The following EGFR variants were observed in gnomAD, a reference collection of about 807,000 sequenced individuals.
EGFR encodes epidermal growth factor receptor, also known as avian erythroblastic leukemia viral (v-erb-b) oncogene homolog.
EGFR carries 58 observed loss-of-function variants against 143.0 expected under a neutral mutation model. That is an observed-to-expected ratio of 0.41 (90% CI 0.33 to 0.50). EGFR has a LOEUF of 0.50. Ranked by LOEUF, EGFR falls within the 20% of genes least tolerant of loss-of-function variation. The pLI, the probability that EGFR is intolerant of heterozygous loss-of-function variation, is 0.39. For missense variants in EGFR, 1,307 were observed against 1,579.0 expected (o/e 0.83, Z 2.92); for synonymous variants, 613 against 594.4 (o/e 1.03, Z -0.45).
rs866729219 is a variant in EGFR, at chr7:55,019,438, G to T, written c.88+73G>T. ...CGGACCCCGCAGCCCGCCCAACCGC[G>T]CACCGGCGCACCGGCTCGGCGCCCG... On this transcript the variant is annotated intron_variant, in intron 1 of 27. Coordinates refer to ENST00000275493, the MANE Select transcript of EGFR (RefSeq NM_005228.5). 2.5e-4 allele frequency: 236 copies of T among 943,088 alleles called. 2 individuals are homozygous for T. In the Middle Eastern group the frequency reaches 3.8e-3, roughly 15 times the overall value. 58.4% of individuals were successfully genotyped at this position (943,088 alleles called of 1,614,324 possible).
At position 55,205,490 on chromosome 7, in the gene EGFR, A is replaced by G. The variant is rs751701731; in HGVS notation, c.3506A>G (p.Asn1169Ser). 2.5e-6 allele frequency: 4 copies of G among 1,614,176 alleles called. No individual in the cohort carries two copies. The highest frequency in any genetic ancestry group is 2.2e-5 in the East Asian group (1 of 44,892). The change falls in exon 28 of 28, where the codon AAC (asparagine) becomes AGC (serine). Residue 1169 changes from asparagine to serine, a missense_variant. Transcript: ENST00000275493. ...GGCAGCCACCAAATTAGCCTGGACA[A>G]CCCTGACTACCAGCAGGACTTCTTT... ...QKGSHQISLD[N>S]PDYQQDFFPK...
chr7:55,114,559 T>C (rs1008005889), intron 1 of EGFR, among the ~76,000 whole-genome samples: 9 of 152,164 alleles, frequency 5.9e-5, no homozygotes, highest in Non-Finnish European at 1.3e-4. Flanking sequence ...CAATTTTATA[T>C]CTATGTATAC....
chr7:55,059,537 C>G (rs1209191212), intron 1 of EGFR, among the ~76,000 whole-genome samples: 1 of 152,032 alleles, frequency 6.6e-6, no homozygotes, highest in East Asian at 1.9e-4. Flanking sequence ...CAGGTCTGGA[C>G]AAATCTATAA....
chr7:55,113,084 G>T (rs531162908), intron 1 of EGFR, among the ~76,000 whole-genome samples: 10 of 152,208 alleles, frequency 6.6e-5, no homozygotes, highest in Non-Finnish European at 1.5e-4. Flanking sequence ...GACAGGCACC[G>T]ACAGGCTGTC....
chr7:55,065,358 G>C (rs911744733), intron 1 of EGFR, among the ~76,000 whole-genome samples: 1 of 152,150 alleles, frequency 6.6e-6, no homozygotes, highest in Non-Finnish European at 1.5e-5. Context: ...AGCTGCGCAG[G>C]GTGAGTCTAA....
At chr7:55,057,877 C>G (rs1788923327) in intron 1 of EGFR, among the ~76,000 whole-genome samples, 1 of 152,204 alleles carries the variant, frequency 6.6e-6, no homozygotes, top group Non-Finnish European at 1.5e-5. Context: ...AGATCTGTGA[C>G]ACTGAAGCAC....
chr7:55,120,170 G>A (rs370560610), intron 1 of EGFR, among the ~76,000 whole-genome samples: 1 of 152,192 alleles, frequency 6.6e-6, no homozygotes. Context: ...ATCAGGTGCT[G>A]CCCTCCCTGG....
At chr7:55,182,997 C>T (rs1485041825) in intron 20 of EGFR, among the ~76,000 whole-genome samples, 1 of 152,154 alleles carries the variant, frequency 6.6e-6, no homozygotes, top group Non-Finnish European at 1.5e-5. Context: ...CATAGCACAG[C>T]TTTATTCCCT....
chr7:55,181,770 TTGTGAATAC>T, intron 20 of EGFR: 1 of 478,160 alleles, frequency 2.1e-6, no homozygotes, highest in South Asian at 2.1e-5. Flanking sequence ...CTGGAATTCT[TTGTGAATAC>T]TGTGGTGATT....
At chr7:55,132,844 G>A (rs1427672776) in intron 1 of EGFR, among the ~76,000 whole-genome samples, 1 of 152,182 alleles carries the variant, frequency 6.6e-6, no homozygotes, top group Non-Finnish European at 1.5e-5. Flanking sequence ...ATATGTTGTA[G>A]TTGAATTAAT....
At chr7:55,181,630 G>T in intron 20 of EGFR, 152 bp downstream of exon 20, 2 of 922,310 alleles carry the variant, frequency 2.2e-6, no homozygotes, top group South Asian at 1.5e-5. Flanking sequence ...ATTCAATCAA[G>T]TTGATCTTCT....
At chr7:55,076,335 G>A (rs1790128439) in intron 1 of EGFR, among the ~76,000 whole-genome samples, 4 of 152,092 alleles carry the variant, frequency 2.6e-5, no homozygotes, top group Admixed American at 2.0e-4. Flanking sequence ...GGAAATGCAG[G>A]CAAATACAAG....
Position 55,208,878 on chromosome 7 carries a change from A to T in EGFR, c.*3261A>T, listed in dbSNP as rs17290820. On this transcript the variant is annotated 3_prime_UTR_variant, in exon 28 of 28. Transcript: ENST00000275493. ...AGAAAGACTGTGGCTTGATTTTCTC[A>T]GGTGCAGCCCAGCCGTAGGGCCTTT... 6.6e-6 allele frequency: 1 copy of T among 152,246 alleles called. No individual in the cohort carries two copies. Among genetic ancestry groups the T allele is most frequent in the Non-Finnish European group, 1.5e-5 (1 of 67,994 alleles). 9.4% of individuals were successfully genotyped at this position (152,246 alleles called of 1,614,324 possible). A position where few individuals can be genotyped will look rare whatever the true frequency, so the allele number is the denominator to read the frequency against.
chr7:55,186,668 A>G (rs1787151307), intron 20 of EGFR, among the ~76,000 whole-genome samples: 1 of 152,270 alleles, frequency 6.6e-6, no homozygotes, highest in Admixed American at 6.5e-5. Context: ...GTTGAAGCAC[A>G]TTCATCATCT....
chr7:55,162,382 C>T (rs1785753133), intron 13 of EGFR, among the ~76,000 whole-genome samples: 1 of 152,204 alleles, frequency 6.6e-6, no homozygotes, highest in Non-Finnish European at 1.5e-5. Context: ...TGGGCATGGA[C>T]CACAGCTTGG....
At chr7:55,192,743 G>C (rs2128965430) in intron 21 of EGFR, 23 bp from the exon 22 acceptor site, 1 of 1,608,174 alleles carries the variant, frequency 6.2e-7, no homozygotes, top group Non-Finnish European at 8.5e-7. Context: ...TTGTCTCACT[G>C]CCTCATCTCT....
chr7:55,052,783 CTGGGGG>C (rs1788564905), intron 1 of EGFR, among the ~76,000 whole-genome samples: 2 of 152,200 alleles, frequency 1.3e-5, no homozygotes, highest in African/African-American at 4.8e-5. Context: ...GGGAATGGAG[CTGGGGG>C]CTGATGCTGG....
chr7:55,148,321 T>C (rs1794872899), intron 4 of EGFR, among the ~76,000 whole-genome samples: 1 of 152,122 alleles, frequency 6.6e-6, no homozygotes, highest in East Asian at 1.9e-4. Context: ...GTGTTTGCCA[T>C]GGATCAGGTC....
intron 1 of EGFR, among the ~76,000 whole-genome samples, chr7:55,059,368 G>A (rs547126026): frequency 4.6e-5 from 7 of 152,184 alleles, no homozygotes; most frequent in African/African-American, 1.2e-4. Context: ...GTTCCAGCAC[G>A]GCCCCTGTTT....
Sources: allele counts gnomAD v4.1 joint callset (sites outside exome capture counted in the v4.1 genomes callset), GRCh38; gene constraint gnomAD v4.1.1; transcripts MANE v1.5; gene names NCBI Gene and HGNC (gene_info 2026-07-23, HGNC 2026-07-21).